The following INPP4B variants were observed in gnomAD, a reference collection of about 807,000 sequenced individuals.
The protein encoded by INPP4B is inositol polyphosphate 4-phosphatase type II.
In INPP4B, 55 loss-of-function variants were observed where a neutral mutation model predicts 122.5. That is an observed-to-expected ratio of 0.45 (90% confidence interval 0.36 to 0.56). The LOEUF (loss-of-function observed/expected upper bound fraction) is 0.56. INPP4B is among the 20% of genes least tolerant of loss of function. The pLI is 0.00. For missense variants in INPP4B, 1,000 were observed against 1,097.7 expected, an observed-to-expected ratio of 0.91 and a Z score of 1.26; for synonymous variants, 403 against 388.7, an observed-to-expected ratio of 1.04 and a Z score of -0.43.
chr4:142,790,416 A>G (rs1000280262), intron 1 of INPP4B, among the ~76,000 whole-genome samples: 1 of 152,156 alleles, frequency 6.6e-6, no homozygotes, highest in Admixed American at 6.6e-5. Flanking sequence ...ACATGAATAG[A>G]TATTTCTCAA....
At chr4:142,624,459 T>C (rs1362780483) in intron 2 of INPP4B, among the ~76,000 whole-genome samples, 3 of 152,022 alleles carry the variant, frequency 2.0e-5, no homozygotes, top group Non-Finnish European at 2.9e-5. Flanking sequence ...TTGTAGATGC[T>C]GGATATTAGC....
intron 3 of INPP4B, among the ~76,000 whole-genome samples, chr4:142,457,355 T>C (rs1815676113): frequency 1.3e-5 from 2 of 152,016 alleles, no homozygotes; most frequent in Admixed American, 6.6e-5. Flanking sequence ...AAGCTACACA[T>C]TGGAAAAAAT....
At chr4:142,425,492 A>G (rs1245939333) in intron 5 of INPP4B, among the ~76,000 whole-genome samples, 2 of 151,790 alleles carry the variant, frequency 1.3e-5, no homozygotes, top group African/African-American at 4.8e-5. Context: ...CACTAACCTA[A>G]TTTACTACCC....
At chr4:142,516,796 T>C (rs1309675749) in intron 2 of INPP4B, among the ~76,000 whole-genome samples, 1 of 151,876 alleles carries the variant, frequency 6.6e-6, no homozygotes, top group Non-Finnish European at 1.5e-5. Context: ...AGGTTACTAC[T>C]GGTTGGCTGC....
At chr4:142,831,726 A>G (rs981767319) in intron 1 of INPP4B, among the ~76,000 whole-genome samples, 1 of 152,208 alleles carries the variant, frequency 6.6e-6, no homozygotes, top group Non-Finnish European at 1.5e-5. Context: ...TTCACCTCAC[A>G]CATCAGCAAA....
intron 7 of INPP4B, among the ~76,000 whole-genome samples, chr4:142,349,873 C>A (rs1043392949): frequency 1.4e-5 from 2 of 143,044 alleles, no homozygotes; most frequent in African/African-American, 5.0e-5. Context: ...TTTCTGAAAC[C>A]AATACTGTCA....
chr4:142,633,881 A>G (rs1748524476), intron 2 of INPP4B, among the ~76,000 whole-genome samples: 1 of 152,094 alleles, frequency 6.6e-6, no homozygotes, highest in Admixed American at 6.6e-5. Flanking sequence ...ATTAAAAATT[A>G]GCTGGGCATG....
intron 25 of INPP4B, among the ~76,000 whole-genome samples, chr4:142,064,643 T>C (rs373956067): frequency 1.3e-5 from 2 of 152,122 alleles, no homozygotes; most frequent in Non-Finnish European, 2.9e-5. Flanking sequence ...CTGGCAAAAA[T>C]AATATATCTT....
intron 2 of INPP4B, among the ~76,000 whole-genome samples, chr4:142,551,053 G>A (rs977568991): frequency 6.6e-6 from 1 of 152,190 alleles, no homozygotes; most frequent in Non-Finnish European, 1.5e-5. Flanking sequence ...GAATCGTAAA[G>A]AGTCATGGAA....
chr4:142,692,935 A>ATAGATAGC (rs1161905036), intron 2 of INPP4B, among the ~76,000 whole-genome samples: 2 of 150,986 alleles, frequency 1.3e-5, no homozygotes, highest in Non-Finnish European at 2.9e-5. Flanking sequence ...AGATAGATAG[A>ATAGATAGC]TACATAGATA....
intron 24 of INPP4B, among the ~76,000 whole-genome samples, chr4:142,084,477 A>C (rs944521990): frequency 8.5e-5 from 13 of 152,208 alleles, no homozygotes; most frequent in African/African-American, 2.9e-4. Context: ...TCATTAAATA[A>C]ATTTTTAAAA....
intron 1 of INPP4B, among the ~76,000 whole-genome samples, chr4:142,754,757 TA>T (rs76674750): frequency 0.025 from 3,745 of 152,104 alleles, 58 homozygotes; most frequent in Middle Eastern, 0.095. Context: ...GTGAATTTAT[TA>T]AATATGATGA....
intron 2 of INPP4B, among the ~76,000 whole-genome samples, chr4:142,522,848 T>C (rs1195146641): frequency 6.6e-6 from 1 of 152,136 alleles, no homozygotes; most frequent in Non-Finnish European, 1.5e-5. Flanking sequence ...ACTTATCTAA[T>C]AGTATTATTT....
chr4:142,242,488 G>A (rs1859923350), intron 11 of INPP4B, among the ~76,000 whole-genome samples: 1 of 152,110 alleles, frequency 6.6e-6, no homozygotes, highest in Non-Finnish European at 1.5e-5. Context: ...GTTAGAAAAA[G>A]GATTGGCCTT....
At chr4:142,368,998 GAGGAGGAGGAGA>G (rs1788679457) in intron 7 of INPP4B, among the ~76,000 whole-genome samples, 1 of 152,038 alleles carries the variant, frequency 6.6e-6, no homozygotes, top group South Asian at 2.1e-4. Flanking sequence ...ATGGTAAGAG[GAGGAGGAGGAGA>G]AGGAGGAAGA....
intron 8 of INPP4B, among the ~76,000 whole-genome samples, chr4:142,307,458 A>G (rs568755254): frequency 6.1e-4 from 93 of 152,350 alleles, no homozygotes; most frequent in African/African-American, 2.2e-3. Flanking sequence ...CCCCCACTGC[A>G]TAGCACACAG....
intron 2 of INPP4B, among the ~76,000 whole-genome samples, chr4:142,671,562 T>G (rs899149848): frequency 6.6e-5 from 10 of 152,084 alleles, no homozygotes; most frequent in Admixed American, 6.6e-4. Flanking sequence ...ACAATACCAA[T>G]TCAGTGGAAT....
chr4:142,558,566 G>A (rs1318899385), intron 2 of INPP4B, among the ~76,000 whole-genome samples: 1 of 151,884 alleles, frequency 6.6e-6, no homozygotes, highest in Non-Finnish European at 1.5e-5. Context: ...AGGCTATGGT[G>A]TGCCACTGTT....
At chr4:142,121,531 C>T (rs944626641) in intron 21 of INPP4B, among the ~76,000 whole-genome samples, 3 of 152,130 alleles carry the variant, frequency 2.0e-5, no homozygotes, top group Non-Finnish European at 4.4e-5. Flanking sequence ...AGATGTACCT[C>T]TTCTATTGGA....
Sources: allele counts gnomAD v4.1 joint callset (sites outside exome capture counted in the v4.1 genomes callset), GRCh38; gene constraint gnomAD v4.1.1; transcripts MANE v1.5; gene names NCBI Gene and HGNC (gene_info 2026-07-23, HGNC 2026-07-21).